The following TANC2 variants were observed in gnomAD, a reference collection of about 807,000 sequenced individuals.
TANC2 encodes the protein protein TANC2.
A neutral mutation model predicts 210.5 loss-of-function variants in TANC2; 26 were observed. The observed-to-expected ratio is 0.12, with a 90% CI of 0.09 to 0.17. The LOEUF (loss-of-function observed/expected upper bound fraction) is 0.17. Among genes scored for constraint, TANC2 ranks in the 10% least tolerant of loss-of-function variants. The pLI is 1.00. For synonymous variants in TANC2, 931 were observed against 967.1 expected (o/e 0.96, Z 0.69); for missense variants, 2,129 against 2,608.9 (o/e 0.82, Z 4.01).
intron 18 of TANC2, 137 bp from the exon 19 acceptor site, chr17:63,398,684 G>A (rs544164871): frequency 6.2e-5 from 34 of 545,442 alleles, no homozygotes; most frequent in East Asian, 4.3e-4. Flanking sequence ...TTATTAGGAC[G>A]GTCAATTCTG....
chr17:63,300,106 T>C (rs536280209), intron 9 of TANC2, among the ~76,000 whole-genome samples: 4 of 152,298 alleles, frequency 2.6e-5, no homozygotes, highest in African/African-American at 7.2e-5. Context: ...TGTGTGGTGG[T>C]ATTTCTGAGG....
intron 9 of TANC2, among the ~76,000 whole-genome samples, chr17:63,293,361 G>A (rs572875821): frequency 6.6e-6 from 1 of 152,276 alleles, no homozygotes; most frequent in Non-Finnish European, 1.5e-5. Context: ...TAGCATGCAT[G>A]GAATGAACCC....
intron 1 of TANC2, among the ~76,000 whole-genome samples, chr17:62,990,737 C>T (rs2032818877): frequency 6.6e-6 from 1 of 152,012 alleles, no homozygotes; most frequent in African/African-American, 2.4e-5. Flanking sequence ...AATTTGACCT[C>T]AGAGAGAAAA....
intron 8 of TANC2, among the ~76,000 whole-genome samples, chr17:63,242,619 G>A (rs889127858): frequency 6.6e-6 from 1 of 152,050 alleles, no homozygotes; most frequent in Admixed American, 6.6e-5. Flanking sequence ...ATGTAAGAGA[G>A]ATATGAGGTC....
intron 2 of TANC2, among the ~76,000 whole-genome samples, chr17:63,042,928 G>C (rs2035245734): frequency 6.6e-6 from 1 of 152,028 alleles, no homozygotes; most frequent in East Asian, 1.9e-4. Context: ...AAAACTTAGA[G>C]ATAAAAATGA....
intron 1 of TANC2, among the ~76,000 whole-genome samples, chr17:62,976,959 C>G (rs1371853079): frequency 6.6e-6 from 1 of 152,172 alleles, no homozygotes; most frequent in Non-Finnish European, 1.5e-5. Flanking sequence ...ATGTGAGGTC[C>G]CGTTCCAGCC....
At chr17:63,399,496 A>G (rs1192951879) in intron 19 of TANC2, among the ~76,000 whole-genome samples, 1 of 152,240 alleles carries the variant, frequency 6.6e-6, no homozygotes, top group Non-Finnish European at 1.5e-5. Flanking sequence ...GTTCGGTACA[A>G]TGCAAACAGA....
intron 6 of TANC2, among the ~76,000 whole-genome samples, chr17:63,196,662 ATTTGTGTTCTAGT>A (rs1364874620): frequency 1.6e-4 from 24 of 152,300 alleles, no homozygotes; most frequent in Non-Finnish European, 2.5e-4. Context: ...GAGGGAGAAA[ATTTGTGTTCTAGT>A]TCCAACTCTG....
chr17:63,115,295 C>T (rs554841391), intron 4 of TANC2, among the ~76,000 whole-genome samples: 1 of 152,184 alleles, frequency 6.6e-6, no homozygotes, highest in South Asian at 2.1e-4. Flanking sequence ...TGAGTTTGCC[C>T]TACAGTTTTC....
chr17:63,249,853 A>G (rs200229703), intron 8 of TANC2, among the ~76,000 whole-genome samples: 11 of 152,180 alleles, frequency 7.2e-5, no homozygotes, highest in African/African-American at 1.4e-4. Flanking sequence ...TAGAGTGACA[A>G]TTTTACTACT....
intron 1 of TANC2, among the ~76,000 whole-genome samples, chr17:62,998,273 G>T (rs2033209882): frequency 6.6e-6 from 1 of 152,178 alleles, no homozygotes; most frequent in African/African-American, 2.4e-5. Flanking sequence ...GTTGTGTAAA[G>T]AGATCAAATT....
At chr17:63,129,345 C>T (rs1260864006) in intron 4 of TANC2, among the ~76,000 whole-genome samples, 2 of 152,122 alleles carry the variant, frequency 1.3e-5, no homozygotes, top group Non-Finnish European at 2.9e-5. Flanking sequence ...TCCAGCGTTA[C>T]CACTTATTAG....
intron 3 of TANC2, among the ~76,000 whole-genome samples, chr17:63,086,973 C>T (rs972444430): frequency 1.3e-5 from 2 of 151,874 alleles, no homozygotes; most frequent in Non-Finnish European, 2.9e-5. Context: ...AAGCTGGCCA[C>T]CCCAGCCTGC....
chr17:63,346,871 A>AGG (rs2046429077), intron 12 of TANC2, among the ~76,000 whole-genome samples: 1 of 150,682 alleles, frequency 6.6e-6, no homozygotes, highest in Non-Finnish European at 1.5e-5. Flanking sequence ...ATACCTGGCT[A>AGG]ATTTTTTTTT....
At position 63,318,988 on chromosome 17, in the gene TANC2, A is replaced by G. The variant is rs757245011; in HGVS notation, c.1473A>G (p.Thr491=). ...ATGCCAACAGAGAGCTGCCACTCAC[A>G]CAGCCACCTTCAGCCCACTCATCTA... is the stretch of plus-strand genomic sequence containing the variant. Residue 491 remains threonine (T), a synonymous_variant, in exon 11 of 28, where the codon ACA becomes ACG. Coordinates refer to ENST00000689528, the Ensembl canonical transcript of TANC2. 1.9e-5 allele frequency: 31 copies of G among 1,613,296 alleles called. 1 individual carries two copies. The South Asian group carries it at 3.3e-4, about 17-fold the overall frequency.
chr17:63,234,816 T>C (rs531968172), intron 7 of TANC2, among the ~76,000 whole-genome samples: 1 of 152,314 alleles, frequency 6.6e-6, no homozygotes, highest in Admixed American at 6.5e-5. Context: ...GTTAGCTATA[T>C]AAGTGGGCAA....
chr17:63,360,448 C>G (rs2046922545), intron 14 of TANC2, among the ~76,000 whole-genome samples: 1 of 151,970 alleles, frequency 6.6e-6, no homozygotes, highest in South Asian at 2.1e-4. Context: ...AGAGAATGTA[C>G]CAGACATCTT....
chr17:63,345,156 A>G (rs1246107385), intron 12 of TANC2, among the ~76,000 whole-genome samples: 1 of 152,238 alleles, frequency 6.6e-6, no homozygotes, highest in Admixed American at 6.5e-5. Flanking sequence ...TTTCAGTGGC[A>G]CCAAAAAATA....
intron 9 of TANC2, 126 bp from the exon 10 acceptor site, chr17:63,314,262 C>A: frequency 9.6e-7 from 1 of 1,036,980 alleles, no homozygotes; most frequent in Non-Finnish European, 1.4e-6. Flanking sequence ...TGCATTATTT[C>A]TGAATAAGCC....
Sources: allele counts gnomAD v4.1 joint callset (sites outside exome capture counted in the v4.1 genomes callset), GRCh38; gene constraint gnomAD v4.1.1; transcripts MANE v1.5; gene names NCBI Gene and HGNC (gene_info 2026-07-23, HGNC 2026-07-21).